The following FGF14 variants were observed in gnomAD, a reference collection of about 807,000 sequenced individuals.
FGF14 encodes the protein fibroblast growth factor homologous factor 4.
FGF14 carries 5 observed loss-of-function variants against 25.5 expected under a neutral mutation model. That is an observed-to-expected ratio of 0.20 (90% CI 0.10 to 0.41). FGF14 has a LOEUF of 0.41. FGF14 is among the 10% of genes least tolerant of loss of function. The pLI, the probability that FGF14 is intolerant of heterozygous loss-of-function variation, is 1.00. For missense variants in FGF14, 222 were observed against 320.1 expected, an observed-to-expected ratio of 0.69 and a Z score of 2.34; for synonymous variants, 138 against 118.3, an observed-to-expected ratio of 1.17 and a Z score of -1.08.
intron 1 of FGF14, among the ~76,000 whole-genome samples, chr13:101,916,191 C>T (rs548287137): frequency 6.6e-6 from 1 of 152,334 alleles, no homozygotes; most frequent in Admixed American, 6.5e-5. Flanking sequence ...TTCCCAGAGC[C>T]CAGCCTGCAG....
At chr13:102,175,075 C>A (rs2048391776) in intron 1 of FGF14, among the ~76,000 whole-genome samples, 1 of 152,114 alleles carries the variant, frequency 6.6e-6, no homozygotes, top group African/African-American at 2.4e-5. Flanking sequence ...TTACCAATGT[C>A]ATAGAAATAG....
At chr13:101,740,418 G>A (rs2036472983) in intron 3 of FGF14, among the ~76,000 whole-genome samples, 1 of 152,168 alleles carries the variant, frequency 6.6e-6, no homozygotes, top group Non-Finnish European at 1.5e-5. Context: ...GTCCATTATA[G>A]TACCAGAAAG....
intron 1 of FGF14, among the ~76,000 whole-genome samples, chr13:102,225,389 A>G (rs1376731622): frequency 6.6e-6 from 1 of 152,192 alleles, no homozygotes; most frequent in East Asian, 1.9e-4. Context: ...ATTCAGGGCT[A>G]GACCAGGCTA....
At chr13:102,157,964 T>C (rs1335549586) in intron 1 of FGF14, among the ~76,000 whole-genome samples, 1 of 152,126 alleles carries the variant, frequency 6.6e-6, no homozygotes, top group East Asian at 1.9e-4. Context: ...ATCAAAACCA[T>C]AATGAGATAC....
At chr13:102,322,634 G>T (rs1221732417) in intron 1 of FGF14, among the ~76,000 whole-genome samples, 4 of 152,130 alleles carry the variant, frequency 2.6e-5, no homozygotes, top group Admixed American at 2.0e-4. Context: ...TCTTCTGCAT[G>T]ATTTCCTTTT....
chr13:101,913,159 T>C (rs1017969990), intron 1 of FGF14, among the ~76,000 whole-genome samples: 1 of 152,136 alleles, frequency 6.6e-6, no homozygotes, highest in Non-Finnish European at 1.5e-5. Context: ...AATGTAGAAG[T>C]GAGGAGAAGA....
intron 1 of FGF14, among the ~76,000 whole-genome samples, chr13:102,189,060 A>G (rs1237771781): frequency 6.7e-6 from 1 of 148,268 alleles, no homozygotes; most frequent in Non-Finnish European, 1.5e-5. Context: ...ATGAAAGAAG[A>G]AAAGAAAGAA....
chr13:101,966,450 C>A (rs1460197463), intron 1 of FGF14, among the ~76,000 whole-genome samples: 1 of 151,458 alleles, frequency 6.6e-6, no homozygotes, highest in African/African-American at 2.4e-5. Flanking sequence ...GATTCCAGAA[C>A]TGTTAGAGAA....
chr13:102,300,920 GAC>G (rs565433977), intron 1 of FGF14, among the ~76,000 whole-genome samples: 84 of 85,892 alleles, frequency 9.8e-4, no homozygotes, highest in African/African-American at 3.4e-3. Context: ...TATGCACACA[GAC>G]ACACACACAC....
chr13:101,987,704 T>C (rs756866452), intron 1 of FGF14, among the ~76,000 whole-genome samples: 2 of 152,122 alleles, frequency 1.3e-5, no homozygotes, highest in African/African-American at 4.8e-5. Context: ...CATGTGGGCA[T>C]CCTATGAAGA....
chr13:101,948,848 A>G (rs1566480718), intron 1 of FGF14, among the ~76,000 whole-genome samples: 2 of 152,158 alleles, frequency 1.3e-5, no homozygotes. Flanking sequence ...TTTGCCTTGA[A>G]TTTTTTAAAT....
rs1425830635 is a variant in FGF14 at position 102,351,546 on chromosome 13, C to G, written c.208+49925G>C. On this transcript the variant is annotated intron_variant, in intron 1 of 4. Transcript: ENST00000376131. ...AAGACAACAAAGATGTATTATCTGA[C>G]AGTTGCTGTGGGTCAGAAATGCAGA... Among the ~76,000 whole-genome samples, 3 of 152,184 alleles carry G rather than the reference C, an allele frequency of 2.0e-5. No individual in the cohort carries two copies. The East Asian group carries it at 5.8e-4, about 29-fold the overall frequency.
intron 1 of FGF14, among the ~76,000 whole-genome samples, chr13:102,269,751 T>A (rs1318192546): frequency 6.6e-6 from 1 of 151,772 alleles, no homozygotes; most frequent in Non-Finnish European, 1.5e-5. Context: ...ATACCTGTAA[T>A]CCCCGCTACT....
chr13:101,882,929 A>T (rs1034664288), intron 1 of FGF14, among the ~76,000 whole-genome samples: 33 of 150,734 alleles, frequency 2.2e-4, no homozygotes, highest in Middle Eastern at 3.4e-3. Context: ...GAGTGATAAA[A>T]TTTTTTTTTT....
intron 1 of FGF14, among the ~76,000 whole-genome samples, chr13:102,391,825 T>C (rs1393875972): frequency 6.6e-6 from 1 of 152,216 alleles, no homozygotes; most frequent in African/African-American, 2.4e-5. Context: ...GAAAACTGAC[T>C]CAGTTCTCCT....
chr13:101,761,039 T>C (rs1451232975), intron 3 of FGF14, among the ~76,000 whole-genome samples: 1 of 152,242 alleles, frequency 6.6e-6, no homozygotes, highest in Non-Finnish European at 1.5e-5. Flanking sequence ...ACAGTAATCT[T>C]ACTTTTCAAA....
intron 1 of FGF14, among the ~76,000 whole-genome samples, chr13:102,077,339 A>C (rs1251888228): frequency 1.3e-5 from 2 of 152,184 alleles, no homozygotes; most frequent in Admixed American, 6.5e-5. Flanking sequence ...TAAGGGAACA[A>C]TCAACAGAGT....
chr13:102,344,753 G>C (rs1032581997), intron 1 of FGF14, among the ~76,000 whole-genome samples: 1 of 152,212 alleles, frequency 6.6e-6, no homozygotes, highest in African/African-American at 2.4e-5. Context: ...AAGGTTTCCT[G>C]GAGAAGAAGA....
rs536062718 is a variant in FGF14 at position 102,067,557 on chromosome 13, G to A, written c.209-192261C>T. Among the ~76,000 whole-genome samples, 21 of 151,424 alleles carry A rather than the reference G, an allele frequency of 1.4e-4. No individual in the cohort carries two copies. The South Asian group carries it at 2.7e-3, about 20-fold the overall frequency. On this transcript the variant is annotated intron_variant, in intron 1 of 4. Transcript: ENST00000376131. Reference sequence around the variant, plus strand: ...ACTTCAGTGACCTTCCCAAGAGCACGCTTCCCAAGGAAAATCAAATTGACC... The same window carrying A: ...ACTTCAGTGACCTTCCCAAGAGCACACTTCCCAAGGAAAATCAAATTGACC...
Sources: allele counts gnomAD v4.1 joint callset (sites outside exome capture counted in the v4.1 genomes callset), GRCh38; gene constraint gnomAD v4.1.1; transcripts MANE v1.5; gene names NCBI Gene and HGNC (gene_info 2026-07-23, HGNC 2026-07-21).